PLEKHH2: variants seen among roughly 807,000 people sequenced by gnomAD.
PLEKHH2 encodes the protein pleckstrin homology, MyTH4 and FERM domain containing H2, also known as pleckstrin homology domain-containing family H member 2.
PLEKHH2 carries 129 observed loss-of-function variants against 187.9 expected under a neutral mutation model. The ratio of observed to expected loss-of-function variants is 0.69; its 90% CI spans 0.59 to 0.79. PLEKHH2 has a LOEUF of 0.79. Ranked by LOEUF, PLEKHH2 falls within the 30% of genes least tolerant of loss-of-function variation. The pLI is 0.00. For synonymous variants in PLEKHH2, 686 were observed against 605.6 expected (o/e 1.13, Z -1.95); for missense variants, 2,076 against 1,751.2 (o/e 1.19, Z -3.31).
At chr2:43,680,199 A>G (rs1451019176) in intron 3 of PLEKHH2, among the ~76,000 whole-genome samples, 1 of 152,230 alleles carries the variant, frequency 6.6e-6, no homozygotes, top group Non-Finnish European at 1.5e-5. Flanking sequence ...AATATGGTTA[A>G]CTATAATTTA....
chr2:43,640,002 G>C (rs1298612217), intron 1 of PLEKHH2, among the ~76,000 whole-genome samples: 1 of 151,892 alleles, frequency 6.6e-6, no homozygotes. Flanking sequence ...GACACAGGCT[G>C]TTTCTACTCT....
chr2:43,718,429 T>C (rs1007676442), intron 15 of PLEKHH2, among the ~76,000 whole-genome samples: 2 of 151,996 alleles, frequency 1.3e-5, no homozygotes, highest in African/African-American at 4.8e-5. Flanking sequence ...TCCCAGCTGC[T>C]TGGGAGGCTG....
At chr2:43,675,788 CGT>C (rs780056773) in intron 2 of PLEKHH2, 14 of 1,613,660 alleles carry the variant, frequency 8.7e-6, no homozygotes, top group Non-Finnish European at 1.2e-5. Flanking sequence ...TCCACAGTCA[CGT>C]ATTCGAGGTC....
At chr2:43,695,107 T>C (rs748275230) in intron 5 of PLEKHH2, 36 bp from the exon 6 acceptor site, 3 of 1,139,078 alleles carry the variant, frequency 2.6e-6, no homozygotes, top group African/African-American at 3.1e-5. Flanking sequence ...TATAATATTA[T>C]CTCTATATGA....
chr2:43,713,786 T>C (rs1438102189), intron 15 of PLEKHH2, among the ~76,000 whole-genome samples: 1 of 152,038 alleles, frequency 6.6e-6, no homozygotes, highest in Non-Finnish European at 1.5e-5. Context: ...TCCTCATTCA[T>C]GTACTCTGAT....
Position 43,644,766 on chromosome 2 carries a change from A to C in PLEKHH2, c.93A>C (p.Ala31=), listed in dbSNP as rs994849880. ...AACTCATGAAATTTAGAGTTCAAGCAAGCAAGATACGAGAGCTTTTAGCAG... is the reference window on the plus strand; with the variant it reads ...AACTCATGAAATTTAGAGTTCAAGCCAGCAAGATACGAGAGCTTTTAGCAG... The part of the protein sequence containing the change: ...ESQLMKFRVQ[A]SKIRELLAEK... The change falls in exon 2 of 30, where the codon GCA becomes GCC. Residue 31 remains alanine (A), a synonymous_variant. Coordinates refer to ENST00000282406, the MANE Select transcript of PLEKHH2 (RefSeq NM_172069.4). The C allele has an allele frequency of 5.0e-6, 8 of 1,609,816 alleles. No homozygotes were observed. The highest frequency in any genetic ancestry group is 5.9e-6 in the Non-Finnish European group (7 of 1,177,214).
intron 8 of PLEKHH2, among the ~76,000 whole-genome samples, chr2:43,703,388 C>T (rs1289841736): frequency 2.0e-5 from 3 of 152,182 alleles, no homozygotes; most frequent in Non-Finnish European, 4.4e-5. Context: ...TTGCAATTCT[C>T]ATATTCATTT....
At chr2:43,676,857 T>A (rs1252042707) in intron 2 of PLEKHH2, among the ~76,000 whole-genome samples, 4 of 152,214 alleles carry the variant, frequency 2.6e-5, no homozygotes, top group Non-Finnish European at 5.9e-5. Flanking sequence ...AGAGTTTATT[T>A]AAACCTAGCA....
chr2:43,723,023 G>T (rs945438979), intron 16 of PLEKHH2, among the ~76,000 whole-genome samples: 8 of 152,004 alleles, frequency 5.3e-5, no homozygotes, highest in Non-Finnish European at 8.8e-5. Flanking sequence ...GAAACCACTA[G>T]GTCTGTTTGC....
At chr2:43,721,354 A>T (rs1014115172) in intron 16 of PLEKHH2, among the ~76,000 whole-genome samples, 2 of 152,252 alleles carry the variant, frequency 1.3e-5, no homozygotes, top group African/African-American at 4.8e-5. Context: ...TTGAACCAAC[A>T]TGGGCCACGA....
intron 11 of PLEKHH2, among the ~76,000 whole-genome samples, chr2:43,709,228 A>G (rs1387368754): frequency 6.6e-6 from 1 of 152,222 alleles, no homozygotes; most frequent in Non-Finnish European, 1.5e-5. Flanking sequence ...ATATTTTTAA[A>G]ATCTGTAAAC....
intron 2 of PLEKHH2, among the ~76,000 whole-genome samples, chr2:43,672,558 C>G (rs1301264841): frequency 1.3e-5 from 2 of 152,178 alleles, no homozygotes; most frequent in South Asian, 2.1e-4. Flanking sequence ...GGCATCATCA[C>G]CAGTTGTTGC....
At chr2:43,748,499 T>A (rs1299502007) in intron 24 of PLEKHH2, among the ~76,000 whole-genome samples, 1 of 152,190 alleles carries the variant, frequency 6.6e-6, no homozygotes, top group East Asian at 1.9e-4. Context: ...ACTAGCAGCC[T>A]CAGGACCACG....
intron 2 of PLEKHH2, among the ~76,000 whole-genome samples, chr2:43,656,660 T>C (rs1268681675): frequency 1.3e-5 from 2 of 152,258 alleles, no homozygotes; most frequent in Non-Finnish European, 2.9e-5. Flanking sequence ...CATTCCACGA[T>C]GTATACATAT....
chr2:43,676,799 A>G (rs1473350289), intron 2 of PLEKHH2, among the ~76,000 whole-genome samples: 1 of 152,042 alleles, frequency 6.6e-6, no homozygotes, highest in African/African-American at 2.4e-5. Context: ...TAATCAAAGA[A>G]TCTCTTCTAT....
chr2:43,650,048 A>G (rs1417192067), intron 2 of PLEKHH2, among the ~76,000 whole-genome samples: 3 of 150,202 alleles, frequency 2.0e-5, no homozygotes, highest in African/African-American at 7.4e-5. Flanking sequence ...TTGCTGCTTC[A>G]TTTTGTTATT....
intron 29 of PLEKHH2, 137 bp downstream of exon 29, chr2:43,764,502 C>A (rs1020513016): frequency 1.2e-6 from 1 of 864,948 alleles, no homozygotes; most frequent in Non-Finnish European, 1.7e-6. Flanking sequence ...GATGGGAAAA[C>A]AGACGTTATT....
At chr2:43,640,617 C>A (rs960555038) in intron 1 of PLEKHH2, among the ~76,000 whole-genome samples, 2 of 152,158 alleles carry the variant, frequency 1.3e-5, no homozygotes, top group African/African-American at 2.4e-5. Flanking sequence ...TGTTAGATGT[C>A]TTTTTCATTA....
chr2:43,757,087 A>C, intron 25 of PLEKHH2, 32 bp from the exon 26 acceptor site: 1 of 1,492,668 alleles, frequency 6.7e-7, no homozygotes, highest in South Asian at 1.4e-5. Context: ...ACTCTTTTCA[A>C]TATATTTTCA....
Sources: gnomAD v4.1 joint callset for allele counts (sites outside exome capture counted in the v4.1 genomes callset) on GRCh38, gnomAD v4.1.1 for gene constraint, MANE v1.5 for transcripts, NCBI Gene and HGNC (gene_info 2026-07-23, HGNC 2026-07-21) for gene names.